Variants in JARID2 observed in about 807,000 individuals in gnomAD.
The protein encoded by JARID2 is protein Jumonji.
Under a neutral mutation model 125.6 loss-of-function variants are expected in JARID2, and 21 were observed. That is an observed-to-expected ratio of 0.17 (90% CI 0.12 to 0.24). The LOEUF is 0.24. Among genes scored for constraint, JARID2 ranks in the 10% least tolerant of loss-of-function variants. JARID2 has a pLI of 1.00. For synonymous variants in JARID2, 736 were observed against 661.6 expected (o/e 1.11, Z -1.73); for missense variants, 1,303 against 1,639.6 (o/e 0.79, Z 3.55).
chr6:15,499,475 A>G (rs1581650044), intron 7 of JARID2, among the ~76,000 whole-genome samples: 1 of 152,260 alleles, frequency 6.6e-6, no homozygotes, highest in East Asian at 1.9e-4. Flanking sequence ...GTGAAATATG[A>G]AAGTGTGGAT....
Position 15,503,161 on chromosome 6 carries a change from C to T in JARID2, c.2449-1339C>T, listed in dbSNP as rs143327431. 3.1e-3 allele frequency among the ~76,000 whole-genome samples: 473 copies of T among 152,324 alleles called. 3 individuals carry two copies. Among genetic ancestry groups the T allele is most frequent in the African/African-American group, 0.011 (452 of 41,562 alleles). On this transcript the variant is annotated intron_variant, in intron 8 of 17. Coordinates refer to ENST00000341776, the MANE Select transcript of JARID2 (RefSeq NM_004973.4). ...GAAGCCCCCAGCAGCCGTGTGCCCA[C>T]GGGTAGGGACCGTGAGCACGCAACT...
At chr6:15,402,299 TTGGATACC>T (rs1765470012) in intron 2 of JARID2, among the ~76,000 whole-genome samples, 1 of 152,184 alleles carries the variant, frequency 6.6e-6, no homozygotes, top group Admixed American at 6.5e-5. Context: ...CTGGCTCAAA[TTGGATACC>T]TGGTTTCTTT....
intron 2 of JARID2, among the ~76,000 whole-genome samples, chr6:15,379,481 A>G (rs545757913): frequency 6.6e-6 from 1 of 152,348 alleles, no homozygotes; most frequent in East Asian, 1.9e-4. Flanking sequence ...CATGCTACAC[A>G]AATAATGAGT....
intron 1 of JARID2, among the ~76,000 whole-genome samples, chr6:15,313,122 G>A (rs17619838): frequency 0.036 from 5,453 of 152,180 alleles, 144 homozygotes; most frequent in South Asian, 0.11. Context: ...GATTGCCGTC[G>A]GAGCTTTTTT....
chr6:15,265,265 C>A (rs963733776), intron 1 of JARID2, among the ~76,000 whole-genome samples: 1 of 151,918 alleles, frequency 6.6e-6, no homozygotes, highest in Non-Finnish European at 1.5e-5. Flanking sequence ...ACAGCTACTG[C>A]TCCGGGCTGT....
chr6:15,463,629 G>A (rs1768569103), intron 4 of JARID2, among the ~76,000 whole-genome samples: 1 of 151,732 alleles, frequency 6.6e-6, no homozygotes, highest in African/African-American at 2.4e-5. Flanking sequence ...ATGGAGTTTC[G>A]CCACGTGGGC....
chr6:15,288,747 C>G lies in JARID2; in HGVS notation c.45+42163C>G, dbSNP rs1761095052. Among the ~76,000 whole-genome samples, 3 of 152,236 alleles carry G rather than the reference C, an allele frequency of 2.0e-5. No homozygotes were observed. In the South Asian group the frequency reaches 6.2e-4, roughly 32 times the overall value. On this transcript the variant is annotated intron_variant, in intron 1 of 17. Coordinates refer to ENST00000341776, the MANE Select transcript of JARID2 (RefSeq NM_004973.4). ...AAATGAGGGAGTTCCCTCCTAAGAC[C>G]CCTTTGAGCTTCTATTGAAGTCTTT... is the stretch of plus-strand genomic sequence containing the variant.
intron 1 of JARID2, among the ~76,000 whole-genome samples, chr6:15,332,782 C>T (rs1581422753): frequency 6.6e-6 from 1 of 152,186 alleles, no homozygotes; most frequent in South Asian, 2.1e-4. Flanking sequence ...AAGAAATAAT[C>T]CAAAATAGTT....
intron 1 of JARID2, among the ~76,000 whole-genome samples, chr6:15,292,261 TC>T (rs1308440081): frequency 6.6e-6 from 1 of 152,074 alleles, no homozygotes; most frequent in African/African-American, 2.4e-5. Context: ...GACCTCGTGA[TC>T]CGCCCGCCTC....
chr6:15,443,030 T>C (rs1405523857), intron 3 of JARID2, among the ~76,000 whole-genome samples: 1 of 152,140 alleles, frequency 6.6e-6, no homozygotes, highest in African/African-American at 2.4e-5. Flanking sequence ...TGCTATTATC[T>C]TCGATTTTTT....
In JARID2 at chr6:15,520,656, G is replaced by A. The variant is rs1208009517; in HGVS notation, c.*405G>A. 1 of 307,992 alleles carries A rather than the reference G, an allele frequency of 3.2e-6. No homozygotes were observed. 19.1% of individuals were successfully genotyped at this position (307,992 alleles called of 1,614,324 possible). The stretch of plus-strand genomic sequence containing the variant: ...AATTTAAAAACCATCAGTCATGTGA[G>A]CAGATTTTTTAGAAGGGATAGGAGA... On this transcript the variant is annotated 3_prime_UTR_variant, in exon 18 of 18. Coordinates refer to ENST00000341776, the MANE Select transcript of JARID2 (RefSeq NM_004973.4).
At chr6:15,511,102 G>C (rs1352332577) in intron 12 of JARID2, among the ~76,000 whole-genome samples, 194 bp from the exon 13 acceptor site, 1 of 152,236 alleles carries the variant, frequency 6.6e-6, no homozygotes, top group Non-Finnish European at 1.5e-5. Flanking sequence ...GTGCTAGGTG[G>C]ACGTGGCACT....
At chr6:15,461,082 C>T (rs953563813) in intron 4 of JARID2, among the ~76,000 whole-genome samples, 6 of 152,174 alleles carry the variant, frequency 3.9e-5, no homozygotes, top group Non-Finnish European at 1.5e-5. Flanking sequence ...ATCATGGCTG[C>T]TGCTATGTGG....
At chr6:15,440,007 C>T (rs377071053) in intron 3 of JARID2, among the ~76,000 whole-genome samples, 3 of 152,226 alleles carry the variant, frequency 2.0e-5, no homozygotes, top group African/African-American at 7.2e-5. Flanking sequence ...GTGCCTGAAA[C>T]ACAGATAACA....
chr6:15,474,973 C>T (rs1382018755), intron 5 of JARID2, among the ~76,000 whole-genome samples: 1 of 152,168 alleles, frequency 6.6e-6, no homozygotes, highest in Non-Finnish European at 1.5e-5. Context: ...CGGTTGACAC[C>T]AGTCGTTTAC....
intron 4 of JARID2, 149 bp downstream of exon 4, chr6:15,452,324 A>G: frequency 1.6e-6 from 2 of 1,213,746 alleles, no homozygotes; most frequent in Non-Finnish European, 2.2e-6. Context: ...GAGAAATCCC[A>G]CCGAGAGAGT....
chr6:15,329,191 TG>T (rs11330465), intron 1 of JARID2, among the ~76,000 whole-genome samples: 119,478 of 146,964 alleles, frequency 0.81, 48,286 homozygotes, highest in Admixed American at 0.85. Context: ...TTTTTTTTTT[TG>T]GGGGATTATT....
chr6:15,313,343 G>A (rs1446959070), intron 1 of JARID2, among the ~76,000 whole-genome samples: 1 of 152,212 alleles, frequency 6.6e-6, no homozygotes, highest in Non-Finnish European at 1.5e-5. Flanking sequence ...CGCTGTGGCT[G>A]AGAACCAGTG....
chr6:15,314,646 G>T (rs1351327722), intron 1 of JARID2, among the ~76,000 whole-genome samples: 1 of 152,174 alleles, frequency 6.6e-6, no homozygotes, highest in Non-Finnish European at 1.5e-5. Context: ...TACAGTTGAG[G>T]CCTCTTCAGT....
Sources: allele counts gnomAD v4.1 joint callset (sites outside exome capture counted in the v4.1 genomes callset), GRCh38; gene constraint gnomAD v4.1.1; transcripts MANE v1.5; gene names NCBI Gene and HGNC (gene_info 2026-07-23, HGNC 2026-07-21).